CPNE4: variants seen among roughly 807,000 people sequenced by gnomAD.
CPNE4 encodes copine-4.
Under a neutral mutation model 67.9 loss-of-function variants are expected in CPNE4, and 25 were observed. The ratio of observed to expected loss-of-function variants is 0.37; its 90% CI spans 0.27 to 0.51. The LOEUF (loss-of-function observed/expected upper bound fraction) is 0.51, where lower values mean the gene tolerates loss of function less well. Among genes scored for constraint, CPNE4 ranks in the 20% least tolerant of loss-of-function variants. CPNE4 has a pLI of 0.93. For missense variants in CPNE4, 464 were observed against 690.8 expected (o/e 0.67, Z 3.68); for synonymous variants, 242 against 244.9 (o/e 0.99, Z 0.11).
intron 1 of CPNE4, among the ~76,000 whole-genome samples, chr3:131,915,088 T>C (rs1295275837): frequency 1.3e-5 from 2 of 152,318 alleles, no homozygotes; most frequent in East Asian, 3.9e-4. Context: ...AGATCAGTAT[T>C]GTCAGCCTCA....
At chr3:131,711,173 G>A (rs2081547718) in intron 3 of CPNE4, among the ~76,000 whole-genome samples, 1 of 152,132 alleles carries the variant, frequency 6.6e-6, no homozygotes, top group Non-Finnish European at 1.5e-5. Context: ...CTGAGTCATA[G>A]GTTACCCTAT....
At chr3:131,818,535 G>A (rs2084836025) in intron 2 of CPNE4, among the ~76,000 whole-genome samples, 1 of 152,166 alleles carries the variant, frequency 6.6e-6, no homozygotes, top group Non-Finnish European at 1.5e-5. Flanking sequence ...CTCAAAGTGT[G>A]GTCCATGGAA....
chr3:131,654,851 A>G (rs2079911045), intron 7 of CPNE4, among the ~76,000 whole-genome samples: 1 of 152,202 alleles, frequency 6.6e-6, no homozygotes, highest in African/African-American at 2.4e-5. Flanking sequence ...ACTAGTGGAT[A>G]GAGGCTCACT....
At chr3:131,853,010 G>A (rs192179196) in intron 2 of CPNE4, among the ~76,000 whole-genome samples, 57 of 151,686 alleles carry the variant, frequency 3.8e-4, no homozygotes, top group South Asian at 6.2e-4. Flanking sequence ...TTTTCCCCAC[G>A]TTGATAGATT....
At chr3:131,833,060 A>G (rs1057115155) in intron 2 of CPNE4, among the ~76,000 whole-genome samples, 2 of 152,142 alleles carry the variant, frequency 1.3e-5, no homozygotes, top group Admixed American at 6.5e-5. Flanking sequence ...AGAGCCTTGT[A>G]TCTATAGCCA....
chr3:131,843,111 A>G (rs577690926), intron 2 of CPNE4, among the ~76,000 whole-genome samples: 1 of 152,322 alleles, frequency 6.6e-6, no homozygotes, highest in South Asian at 2.1e-4. Flanking sequence ...TTTCATCACA[A>G]AACACTGAGC....
intron 1 of CPNE4, among the ~76,000 whole-genome samples, chr3:132,011,623 C>G (rs1357342995): frequency 6.6e-6 from 1 of 152,184 alleles, no homozygotes; most frequent in Non-Finnish European, 1.5e-5. Flanking sequence ...CAGTTTTGTT[C>G]TGAAATTGTA....
At chr3:131,919,041 G>A (rs987995972) in intron 1 of CPNE4, among the ~76,000 whole-genome samples, 2 of 152,104 alleles carry the variant, frequency 1.3e-5, no homozygotes. Flanking sequence ...TACTACACTG[G>A]GTGCTGAGCT....
intron 2 of CPNE4, among the ~76,000 whole-genome samples, chr3:131,887,248 G>T (rs9811596): frequency 6.6e-6 from 1 of 151,890 alleles, no homozygotes; most frequent in Admixed American, 6.6e-5. Flanking sequence ...TTGCGTCTTC[G>T]TCATTCTCTC....
chr3:131,674,238 G>A (rs933770993), intron 6 of CPNE4, among the ~76,000 whole-genome samples: 1 of 151,966 alleles, frequency 6.6e-6, no homozygotes, highest in East Asian at 1.9e-4. Flanking sequence ...GAGGATTTTT[G>A]TATCAATGTT....
chr3:131,738,398 A>C (rs1226251593), intron 2 of CPNE4, among the ~76,000 whole-genome samples: 1 of 152,238 alleles, frequency 6.6e-6, no homozygotes, highest in African/African-American at 2.4e-5. Flanking sequence ...TCAGGCTTTC[A>C]AGAATTAACC....
Position 131,781,408 on chromosome 3 carries a change from A to G in CPNE4, c.181-57783T>C, listed in dbSNP as rs78448438. Among the ~76,000 whole-genome samples, 1,242 of 152,256 alleles carry G rather than the reference A, an allele frequency of 8.2e-3. 14 individuals carry two copies. The highest frequency in any genetic ancestry group is 0.028 in the African/African-American group (1,183 of 41,570). ...GTGTTTATCAGAATTAATGCTTCAA[A>G]TTTTATTCCAGTCATTTGAATATTT... is the stretch of plus-strand genomic sequence containing the variant. On this transcript the variant is annotated intron_variant, in intron 2 of 15. Coordinates refer to ENST00000429747, the MANE Select transcript of CPNE4 (RefSeq NM_130808.3).
At chr3:131,747,069 T>C (rs1487068758) in intron 2 of CPNE4, among the ~76,000 whole-genome samples, 1 of 152,152 alleles carries the variant, frequency 6.6e-6, no homozygotes, top group Non-Finnish European at 1.5e-5. Context: ...TTGTATGTTT[T>C]CTCTTGAGAA....
chr3:131,878,526 G>C (rs1443309307), intron 2 of CPNE4, among the ~76,000 whole-genome samples: 3 of 152,148 alleles, frequency 2.0e-5, no homozygotes, highest in African/African-American at 7.2e-5. Context: ...TTGATGTTCT[G>C]TTTCTTAATC....
chr3:132,026,053 A>G (rs2074108759), intron 1 of CPNE4, among the ~76,000 whole-genome samples: 1 of 152,246 alleles, frequency 6.6e-6, no homozygotes, highest in Non-Finnish European at 1.5e-5. Context: ...ATGTCATACA[A>G]CTTCATATAT....
At chr3:132,024,793 C>T (rs903948909) in intron 1 of CPNE4, among the ~76,000 whole-genome samples, 2 of 151,992 alleles carry the variant, frequency 1.3e-5, no homozygotes, top group African/African-American at 2.4e-5. Flanking sequence ...GTATAAAGTG[C>T]CCCATGAGGT....
chr3:131,814,362 A>T (rs1297822603), intron 2 of CPNE4, among the ~76,000 whole-genome samples: 1 of 152,036 alleles, frequency 6.6e-6, no homozygotes, highest in Non-Finnish European at 1.5e-5. Context: ...AGCACTCTAG[A>T]GGGTCTTTCA....
At chr3:131,735,246 C>A (rs924124866) in intron 2 of CPNE4, among the ~76,000 whole-genome samples, 1 of 152,170 alleles carries the variant, frequency 6.6e-6, no homozygotes, top group Non-Finnish European at 1.5e-5. Context: ...AACCCTACTG[C>A]AAAAACATCA....
chr3:131,732,162 C>A (rs562376552), intron 2 of CPNE4, among the ~76,000 whole-genome samples: 3 of 152,248 alleles, frequency 2.0e-5, no homozygotes, highest in African/African-American at 2.4e-5. Flanking sequence ...CTGGATCAGA[C>A]CTTATATGCT....
Sources: allele counts gnomAD v4.1 joint callset (sites outside exome capture counted in the v4.1 genomes callset), GRCh38; gene constraint gnomAD v4.1.1; transcripts MANE v1.5; gene names NCBI Gene and HGNC (gene_info 2026-07-23, HGNC 2026-07-21).